The following CAMKMT variants were observed in gnomAD, a reference collection of about 807,000 sequenced individuals.
The protein encoded by CAMKMT is calmodulin-lysine N-methyltransferase, also known as CaM KMT.
CAMKMT carries 53 observed loss-of-function variants against 48.0 expected under a neutral mutation model. The ratio of observed to expected loss-of-function variants is 1.10; its 90% confidence interval spans 0.89 to 1.39. The LOEUF (loss-of-function observed/expected upper bound fraction) is 1.39, where lower values mean the gene tolerates loss of function less well. Ranked by LOEUF, CAMKMT falls within the 40% of genes most tolerant of loss-of-function variation. The pLI is 0.00. For missense variants in CAMKMT, 428 were observed against 402.7 expected (o/e 1.06, Z -0.54); for synonymous variants, 165 against 152.3 (o/e 1.08, Z -0.61).
chr2:44,615,165 A>T lies in CAMKMT; in HGVS notation c.377-89118A>T, dbSNP rs551666735. ...GGTGGCAAACTTCTGGCCTCAAGTG[A>T]TCCCCCGACCTCAGCCTCCCAAAGC... On this transcript the variant is annotated intron_variant, in intron 3 of 10. Transcript: ENST00000378494. Among the ~76,000 whole-genome samples the T allele has an allele frequency of 2.0e-5, 3 of 151,644 alleles. No individual in the cohort carries two copies. The Middle Eastern group carries it at 0.01, about 519-fold the overall frequency.
At chr2:44,631,776 C>A (rs1672849594) in intron 3 of CAMKMT, 1 of 356,010 alleles carries the variant, frequency 2.8e-6, no homozygotes, top group African/African-American at 2.1e-5. Context: ...GTTCATTATT[C>A]TTTTTACCTC....
At chr2:44,672,394 A>C (rs988457821) in intron 3 of CAMKMT, among the ~76,000 whole-genome samples, 146 of 152,322 alleles carry the variant, frequency 9.6e-4, no homozygotes, top group African/African-American at 3.3e-3. Flanking sequence ...CGTGGCTAAA[A>C]TAGTAAATAA....
intron 3 of CAMKMT, among the ~76,000 whole-genome samples, chr2:44,402,114 G>A (rs1425229442): frequency 6.6e-6 from 1 of 152,118 alleles, no homozygotes; most frequent in Non-Finnish European, 1.5e-5. Context: ...ATCACCTGAG[G>A]TTGGGCGTTC....
At chr2:44,541,725 T>C (rs1012277653) in intron 3 of CAMKMT, among the ~76,000 whole-genome samples, 1 of 147,930 alleles carries the variant, frequency 6.8e-6, no homozygotes, top group Admixed American at 6.8e-5. Flanking sequence ...GAGCCATGAG[T>C]GTGCCACTGA....
intron 3 of CAMKMT, among the ~76,000 whole-genome samples, chr2:44,543,643 ATAT>A (rs920497556): frequency 9.9e-5 from 15 of 152,084 alleles, no homozygotes; most frequent in African/African-American, 3.6e-4. Flanking sequence ...CTTATAAGCC[ATAT>A]TATTATTTTT....
At chr2:44,517,332 T>A (rs183523771) in intron 3 of CAMKMT, among the ~76,000 whole-genome samples, 1 of 152,312 alleles carries the variant, frequency 6.6e-6, no homozygotes, top group Non-Finnish European at 1.5e-5. Flanking sequence ...ATTAATATGT[T>A]TTATGAGCAA....
rs187062369 is a variant in CAMKMT, at chr2:44,541,794, T to C, written c.376+151489T>C. Among the ~76,000 whole-genome samples, 534 of 149,486 alleles carry C rather than the reference T, an allele frequency of 3.6e-3. 3 individuals are homozygous for C. Among genetic ancestry groups the C allele is most frequent in the Middle Eastern group, 0.014 (4 of 288 alleles). On this transcript the variant is annotated intron_variant, in intron 3 of 10. Coordinates refer to ENST00000378494, the MANE Select transcript of CAMKMT (RefSeq NM_024766.5). ...TCAAAAAAAAAAAAAAAAGGATACA[T>C]ATATATTTTTACTAAGACTATTACT... is the stretch of plus-strand genomic sequence containing the variant.
intron 9 of CAMKMT, among the ~76,000 whole-genome samples, chr2:44,756,681 G>T (rs1258309810): frequency 1.3e-5 from 2 of 151,288 alleles, no homozygotes; most frequent in Non-Finnish European, 2.9e-5. Context: ...GGCGGAGCTT[G>T]CAGTGAGCCG....
At chr2:44,383,862 A>G (rs1294775286) in intron 2 of CAMKMT, among the ~76,000 whole-genome samples, 1 of 152,046 alleles carries the variant, frequency 6.6e-6, no homozygotes, top group African/African-American at 2.4e-5. Context: ...CAGTTTCTTT[A>G]TCCACTCGTT....
At chr2:44,365,527 C>G (rs1377779255) in intron 1 of CAMKMT, among the ~76,000 whole-genome samples, 1 of 152,226 alleles carries the variant, frequency 6.6e-6, no homozygotes, top group Non-Finnish European at 1.5e-5. Flanking sequence ...AAGATGGCCA[C>G]TGGCAACTCC....
At chr2:44,770,119 A>T (rs1343781171) in intron 10 of CAMKMT, among the ~76,000 whole-genome samples, 1 of 152,236 alleles carries the variant, frequency 6.6e-6, no homozygotes, top group African/African-American at 2.4e-5. Context: ...TAATTGGGCA[A>T]GGAAGTACAG....
intron 3 of CAMKMT, among the ~76,000 whole-genome samples, chr2:44,531,837 TA>T (rs1317612429): frequency 6.6e-6 from 1 of 152,170 alleles, no homozygotes; most frequent in Non-Finnish European, 1.5e-5. Context: ...AAAATACATT[TA>T]AAAAGAACAT....
intron 3 of CAMKMT, among the ~76,000 whole-genome samples, chr2:44,502,429 G>T (rs1478641310): frequency 6.6e-6 from 1 of 151,900 alleles, no homozygotes; most frequent in African/African-American, 2.4e-5. Flanking sequence ...CCATGCCCTT[G>T]TACCCTTTTA....
At chr2:44,590,048 A>G (rs1021152456) in intron 3 of CAMKMT, among the ~76,000 whole-genome samples, 2 of 151,290 alleles carry the variant, frequency 1.3e-5, no homozygotes, top group Non-Finnish European at 2.9e-5. Context: ...TGTACATTCC[A>G]TCAAATTTTC....
At chr2:44,518,786 C>G (rs543663061) in intron 3 of CAMKMT, among the ~76,000 whole-genome samples, 11 of 152,218 alleles carry the variant, frequency 7.2e-5, no homozygotes, top group African/African-American at 2.6e-4. Context: ...TAGACGTACC[C>G]AGATGAAATC....
intron 8 of CAMKMT, among the ~76,000 whole-genome samples, chr2:44,750,366 A>C (rs564400225): frequency 6.6e-6 from 1 of 152,272 alleles, no homozygotes; most frequent in African/African-American, 2.4e-5. Flanking sequence ...TATGTTGGTC[A>C]GGCTGGCCTT....
At chr2:44,570,059 A>G (rs1668826661) in intron 3 of CAMKMT, among the ~76,000 whole-genome samples, 1 of 152,176 alleles carries the variant, frequency 6.6e-6, no homozygotes, top group African/African-American at 2.4e-5. Flanking sequence ...TAACTAGATT[A>G]TCCCCATATC....
chr2:44,762,838 A>C (rs188738749), intron 9 of CAMKMT, among the ~76,000 whole-genome samples: 1 of 152,312 alleles, frequency 6.6e-6, no homozygotes, highest in East Asian at 1.9e-4. Context: ...AATTCTCTTA[A>C]ATTTCTGCTC....
intron 3 of CAMKMT, among the ~76,000 whole-genome samples, chr2:44,409,001 C>G (rs1682977281): frequency 1.3e-5 from 2 of 151,160 alleles, no homozygotes; most frequent in Admixed American, 6.6e-5. Context: ...CTCGGCCTCC[C>G]AAAGAGTCAG....
Sources: allele counts gnomAD v4.1 joint callset (sites outside exome capture counted in the v4.1 genomes callset), GRCh38; gene constraint gnomAD v4.1.1; transcripts MANE v1.5; gene names NCBI Gene and HGNC (gene_info 2026-07-23, HGNC 2026-07-21).